The following DNAH11 variants were observed in gnomAD, a reference collection of about 807,000 sequenced individuals.
The protein encoded by DNAH11 is axonemal beta dynein heavy chain 11.
Under a neutral mutation model 526.0 loss-of-function variants are expected in DNAH11, and 442 were observed. That is an observed-to-expected ratio of 0.84 (90% CI 0.78 to 0.91). DNAH11 has a LOEUF of 0.91. Among genes scored for constraint, DNAH11 ranks in the 40% least tolerant of loss-of-function variants. DNAH11 has a pLI of 0.00. For missense variants in DNAH11, 6,989 were observed against 5,448.7 expected, an observed-to-expected ratio of 1.28 and a Z score of -8.90; for synonymous variants, 2,461 against 1,935.9, an observed-to-expected ratio of 1.27 and a Z score of -7.12.
intron 9 of DNAH11, 30 bp downstream of exon 9, chr7:21,582,051 C>T (rs192652801): frequency 2.0e-5 from 29 of 1,430,800 alleles, no homozygotes; most frequent in Admixed American, 6.8e-5. Context: ...TCATAAAAAA[C>T]GTTTACTATG....
At chr7:21,745,845 C>T (rs942108550) in intron 51 of DNAH11, among the ~76,000 whole-genome samples, 32 of 152,114 alleles carry the variant, frequency 2.1e-4, no homozygotes, top group African/African-American at 7.0e-4. Context: ...ACATTTAAAG[C>T]GAGACCTGAA....
intron 30 of DNAH11, among the ~76,000 whole-genome samples, chr7:21,680,997 C>T (rs1298890365): frequency 2.0e-5 from 3 of 152,186 alleles, no homozygotes; most frequent in Non-Finnish European, 1.5e-5. Flanking sequence ...CAGTCCAGTG[C>T]AGCCGGGAAA....
chr7:21,686,991 A>G (rs985326112), intron 32 of DNAH11, 108 bp from the exon 33 acceptor site: 6 of 966,970 alleles, frequency 6.2e-6, no homozygotes, highest in Non-Finnish European at 8.7e-6. Flanking sequence ...ATTTTATGCT[A>G]CTATCACATT....
chr7:21,744,378 C>G (rs1786050065), intron 49 of DNAH11, 60 bp from the exon 50 acceptor site: 2 of 1,554,242 alleles, frequency 1.3e-6, no homozygotes, highest in South Asian at 1.2e-5. Flanking sequence ...AAGTGTTAAA[C>G]TCATTTGACA....
chr7:21,812,506 G>GACAA (rs1554283827), intron 63 of DNAH11, among the ~76,000 whole-genome samples: 1,200 of 58,962 alleles, frequency 0.02, 21 homozygotes, highest in African/African-American at 0.081. Flanking sequence ...CTATCTATAT[G>GACAA]AAAAAAAAAT....
chr7:21,690,912 G>A (rs138919889), intron 35 of DNAH11, 31 bp downstream of exon 35: 1 of 1,507,994 alleles, frequency 6.6e-7, no homozygotes, highest in East Asian at 2.3e-5. Flanking sequence ...CTTAGCATCT[G>A]GTGCACTCAT....
At chr7:21,672,135 G>A (rs1160160734) in intron 30 of DNAH11, among the ~76,000 whole-genome samples, 1 of 152,198 alleles carries the variant, frequency 6.6e-6, no homozygotes, top group Non-Finnish European at 1.5e-5. Context: ...GTTTCAAGAT[G>A]AGAGGTCCTC....
chr7:21,591,188 A>G lies in DNAH11; in HGVS notation c.2278A>G (p.Ile760Val), dbSNP rs768205792. 1.3e-5 allele frequency: 20 copies of G among 1,545,530 alleles called. No individual in the cohort carries two copies. The highest frequency in any genetic ancestry group is 1.3e-5 in the South Asian group (1 of 76,984). The change falls in exon 14 of 82, where the codon ATT becomes GTT. Residue 760 changes from isoleucine to valine, a missense_variant. By Grantham distance (29) the Ile-to-Val change is conservative (BLOSUM62 3). Transcript: ENST00000409508. ...FKKRNTILKYIGNLDLLVQGY... is the reference protein window; with the variant it reads ...FKKRNTILKYVGNLDLLVQGY... ...TTTTGGGGTTTTCTTTGCTCAGTAC[A>G]TTGGAAATCTTGACCTTCTTGTGCA...
At chr7:21,604,426 T>G (rs1242751667) in intron 18 of DNAH11, among the ~76,000 whole-genome samples, 1 of 152,160 alleles carries the variant, frequency 6.6e-6, no homozygotes, top group East Asian at 1.9e-4. Context: ...GCAGGACTTA[T>G]CCAGTCCCTT....
At chr7:21,793,069 T>G (rs1340986284) in intron 61 of DNAH11, among the ~76,000 whole-genome samples, 1 of 152,208 alleles carries the variant, frequency 6.6e-6, no homozygotes, top group African/African-American at 2.4e-5. Flanking sequence ...CCGAATATAT[T>G]AGGTTTCCAT....
intron 65 of DNAH11, among the ~76,000 whole-genome samples, chr7:21,834,794 A>G (rs1377418702): frequency 6.6e-6 from 1 of 152,180 alleles, no homozygotes; most frequent in East Asian, 1.9e-4. Flanking sequence ...GCAGTGAGCT[A>G]TGATCACACC....
chr7:21,868,831 C>T lies in DNAH11; in HGVS notation c.11840-33C>T, dbSNP rs772987186. 4 of 1,613,354 alleles carry T rather than the reference C, an allele frequency of 2.5e-6. No individual in the cohort carries two copies. The Admixed American group carries it at 5.0e-5, about 20-fold the overall frequency. On this transcript the variant is annotated intron_variant, in intron 72 of 81. Transcript: ENST00000409508. ...GGCTCCTCTCACCCTCCTTCATAGACATTTCCTCTCACCGTGGTGTATTCT... is the reference window on the plus strand; with the variant it reads ...GGCTCCTCTCACCCTCCTTCATAGATATTTCCTCTCACCGTGGTGTATTCT...
rs72657326 is a variant in DNAH11, at chr7:21,637,610, G to A, written c.4726-1G>A. ...CGGCCCCGTATTGTACTTTCATGCAGGAGTTAATGTTCAAGACAGCCAAAG... is the reference window on the plus strand; with the variant it reads ...CGGCCCCGTATTGTACTTTCATGCAAGAGTTAATGTTCAAGACAGCCAAAG... On this transcript the variant is annotated splice_acceptor_variant, in intron 26 of 81. Transcript: ENST00000409508. LOFTEE classifies it high-confidence loss of function. 6.4e-7 allele frequency: 1 copy of A among 1,572,000 alleles called. No homozygotes were observed. Among genetic ancestry groups the A allele is most frequent in the Non-Finnish European group, 8.7e-7 (1 of 1,154,228 alleles).
intron 79 of DNAH11, among the ~76,000 whole-genome samples, chr7:21,896,253 A>C (rs948015280): frequency 6.6e-6 from 1 of 152,066 alleles, no homozygotes; most frequent in African/African-American, 2.4e-5. Flanking sequence ...TTTTTATCAG[A>C]GTATAAAATA....
At chr7:21,762,026 G>A (rs1472952812) in intron 54 of DNAH11, among the ~76,000 whole-genome samples, 9 of 152,122 alleles carry the variant, frequency 5.9e-5, no homozygotes, top group Admixed American at 2.6e-4. Context: ...CGCATCTGAA[G>A]TGCATGCAGG....
chr7:21,603,725 C>A (rs1785179136), intron 18 of DNAH11, among the ~76,000 whole-genome samples: 1 of 152,130 alleles, frequency 6.6e-6, no homozygotes, highest in Non-Finnish European at 1.5e-5. Context: ...AAAACAGTTA[C>A]AGTAGAAACA....
At chr7:21,546,812 G>A (rs1216535212) in intron 2 of DNAH11, among the ~76,000 whole-genome samples, 3 of 152,082 alleles carry the variant, frequency 2.0e-5, no homozygotes, top group African/African-American at 7.2e-5. Flanking sequence ...CCCATCCTTG[G>A]AAATTCCAAT....
Position 21,590,969 on chromosome 7 carries a change from G to T in DNAH11, c.2221G>T (p.Asp741Tyr). 6.6e-7 allele frequency: 1 copy of T among 1,519,274 alleles called. No individual in the cohort carries two copies. The highest frequency in any genetic ancestry group is 8.7e-7 in the Non-Finnish European group (1 of 1,143,994). 94.1% of individuals were successfully genotyped at this position (1,519,274 alleles called of 1,614,324 possible). Reference sequence around the variant, plus strand: ...ATATCTTTTGATGTTGAAGAAACAAGACATACCAGATTCAGCTTTAGCCAT... The same window carrying T: ...ATATCTTTTGATGTTGAAGAAACAATACATACCAGATTCAGCTTTAGCCAT... ...VKYLLMLKKQ[D>Y]IPDSALAIFK... Residue 741 changes from aspartate (D) to tyrosine (Y), a missense_variant, in exon 13 of 82, where the codon GAC becomes TAC. Transcript: ENST00000409508.
At position 21,866,620 on chromosome 7, in the gene DNAH11, C is replaced by G; in HGVS notation, c.11647C>G (p.Leu3883Val). 1.2e-6 allele frequency: 2 copies of G among 1,613,804 alleles called. No individual in the cohort carries two copies. The highest frequency in any genetic ancestry group is 8.5e-7 in the Non-Finnish European group (1 of 1,179,798). Residue 3883 changes from leucine (L) to valine (V), a missense_variant, in exon 71 of 82, where the codon CTT becomes GTT. Leu to Val is a conservative substitution (Grantham distance 32, BLOSUM62 1). Coordinates refer to ENST00000409508, the MANE Select transcript of DNAH11 (RefSeq NM_001277115.2). ...GAAAAGTTTAATACAGAAGCTGATT[C>G]TTCTGAGAGCAATGCGCCCTGACAG... Reference protein sequence around the residue: ...KKKSLIQKLILLRAMRPDRMT... With the variant: ...KKKSLIQKLIVLRAMRPDRMT...
Sources: allele counts gnomAD v4.1 joint callset (sites outside exome capture counted in the v4.1 genomes callset), GRCh38; gene constraint gnomAD v4.1.1; transcripts MANE v1.5; gene names NCBI Gene and HGNC (gene_info 2026-07-23, HGNC 2026-07-21).